The following TMC1 variants were observed in gnomAD, a reference collection of about 807,000 sequenced individuals.
TMC1 encodes transmembrane channel-like protein 1.
In TMC1, 84 loss-of-function variants were observed where a neutral mutation model predicts 105.8. That is an observed-to-expected ratio of 0.79 (90% CI 0.67 to 0.95). The LOEUF is 0.95. TMC1 is among the 40% of genes least tolerant of loss of function. TMC1 has a pLI of 0.00. For synonymous variants in TMC1, 315 were observed against 311.5 expected (o/e 1.01, Z -0.12); for missense variants, 817 against 914.1 (o/e 0.89, Z 1.37).
At chr9:72,835,922 T>G (rs780284755) in intron 23 of TMC1, 29 bp from the exon 24 acceptor site, 16 of 1,530,082 alleles carry the variant, frequency 1.0e-5, no homozygotes, top group South Asian at 3.7e-5. Flanking sequence ...CTTGTTTTTT[T>G]TTTTTTTTTT....
At chr9:72,697,429 A>G (rs1826569148) in intron 7 of TMC1, among the ~76,000 whole-genome samples, 1 of 152,182 alleles carries the variant, frequency 6.6e-6, no homozygotes, top group Admixed American at 6.5e-5. Flanking sequence ...GTCCCAGAGA[A>G]ATACAAACAA....
At chr9:72,827,805 C>A (rs1285904238) in intron 21 of TMC1, among the ~76,000 whole-genome samples, 1 of 152,090 alleles carries the variant, frequency 6.6e-6, no homozygotes, top group Non-Finnish European at 1.5e-5. Flanking sequence ...ATTAAACAGC[C>A]CCAGGGACAC....
intron 13 of TMC1, among the ~76,000 whole-genome samples, chr9:72,774,245 C>T (rs552703400): frequency 1.3e-5 from 2 of 152,166 alleles, no homozygotes; most frequent in South Asian, 2.1e-4. Flanking sequence ...AGCATTGTGC[C>T]AGGCAAGCCA....
chr9:72,631,491 G>C (rs1825449731), intron 4 of TMC1, among the ~76,000 whole-genome samples: 1 of 152,190 alleles, frequency 6.6e-6, no homozygotes, highest in African/African-American at 2.4e-5. Flanking sequence ...TCTAGAAAGA[G>C]AGAAATTATA....
At chr9:72,655,257 G>T (rs1309334727) in intron 5 of TMC1, among the ~76,000 whole-genome samples, 1 of 152,174 alleles carries the variant, frequency 6.6e-6, no homozygotes, top group Non-Finnish European at 1.5e-5. Context: ...CAGCCTTGCT[G>T]AACTGTTAGT....
chr9:72,718,897 AG>A (rs919211713), intron 8 of TMC1, among the ~76,000 whole-genome samples: 1 of 152,086 alleles, frequency 6.6e-6, no homozygotes, highest in Admixed American at 6.6e-5. Context: ...CTGTGGGGAT[AG>A]GGGTGTGGTT....
rs763924669 is a variant in TMC1 at position 72,789,337 on chromosome 9, T to C, written c.1224+20T>C. ...AATGAAGTTCGTCTCTGCATGCTTTTTATGTGCTTAGAACCTGACATTTGT... is the reference window on the plus strand; with the variant it reads ...AATGAAGTTCGTCTCTGCATGCTTTCTATGTGCTTAGAACCTGACATTTGT... On this transcript the variant is annotated intron_variant, in intron 15 of 23. Coordinates refer to ENST00000297784, the MANE Select transcript of TMC1 (RefSeq NM_138691.3). The C allele has an allele frequency of 9.3e-6, 15 of 1,609,542 alleles. No individual in the cohort carries two copies. In the South Asian group the frequency reaches 1.6e-4, roughly 18 times the overall value.
chr9:72,548,707 G>A (rs141182290), intron 1 of TMC1, among the ~76,000 whole-genome samples: 16 of 151,832 alleles, frequency 1.1e-4, no homozygotes, highest in Non-Finnish European at 2.1e-4. Flanking sequence ...CAGACTTGTC[G>A]TGCTGCAGTG....
intron 2 of TMC1, among the ~76,000 whole-genome samples, chr9:72,586,276 C>G (rs987374859): frequency 2.0e-5 from 3 of 152,098 alleles, no homozygotes; most frequent in African/African-American, 7.2e-5. Flanking sequence ...TGAAGTTTGC[C>G]CGACACAAAT....
chr9:72,832,583 G>A (rs1776740342), intron 23 of TMC1, among the ~76,000 whole-genome samples: 1 of 152,160 alleles, frequency 6.6e-6, no homozygotes, highest in Non-Finnish European at 1.5e-5. Context: ...ATGCACTGGG[G>A]AGGTCACACC....
intron 17 of TMC1, among the ~76,000 whole-genome samples, chr9:72,792,692 T>G (rs1212011288): frequency 6.6e-6 from 1 of 152,186 alleles, no homozygotes; most frequent in Non-Finnish European, 1.5e-5. Context: ...CTCTATTTAG[T>G]GTTACTTGTT....
At chr9:72,810,154 A>C (rs1412708109) in intron 18 of TMC1, among the ~76,000 whole-genome samples, 3 of 151,404 alleles carry the variant, frequency 2.0e-5, no homozygotes, top group Non-Finnish European at 2.9e-5. Context: ...AAAAAAAAAA[A>C]AACTAAAATG....
At chr9:72,673,859 C>A (rs934394435) in intron 5 of TMC1, among the ~76,000 whole-genome samples, 1 of 152,110 alleles carries the variant, frequency 6.6e-6, no homozygotes, top group Non-Finnish European at 1.5e-5. Flanking sequence ...GAAAGTAATT[C>A]TAATTCTGCG....
intron 17 of TMC1, among the ~76,000 whole-genome samples, chr9:72,798,023 A>G (rs1052955726): frequency 1.3e-5 from 2 of 152,180 alleles, no homozygotes; most frequent in African/African-American, 4.8e-5. Flanking sequence ...AATTTACAAG[A>G]AAAAAACTGG....
rs566681823 is a variant in TMC1, at chr9:72,830,798, G to A, written c.2260+116G>A. ...GGTGAGTGGCATTATTGCTGTGAGC[G>A]AGTCATTCCACAATCCTTACCTTCC... is the stretch of plus-strand genomic sequence containing the variant. On this transcript the variant is annotated intron_variant, in intron 23 of 23. Coordinates refer to ENST00000297784, the MANE Select transcript of TMC1 (RefSeq NM_138691.3). The A allele has an allele frequency of 3.3e-5, 29 of 883,296 alleles. No homozygotes were observed. In the East Asian group the frequency reaches 5.5e-4, roughly 17 times the overall value. The allele number at this position is 883,296 out of a possible 1,614,324, so 54.7% of individuals were successfully genotyped here.
At chr9:72,824,038 A>G (rs1828913128) in intron 20 of TMC1, among the ~76,000 whole-genome samples, 1 of 152,222 alleles carries the variant, frequency 6.6e-6, no homozygotes, top group Non-Finnish European at 1.5e-5. Flanking sequence ...ACAGAGGGGC[A>G]CCCTGTCTAC....
chr9:72,670,915 T>C lies in TMC1; in HGVS notation c.17-17794T>C, dbSNP rs116104803. ...ATGTATGAAATGGTGTAGTATCACT[T>C]GAAGAGAGACTGTGACTAAAGACCA... On this transcript the variant is annotated intron_variant, in intron 5 of 23. Coordinates refer to ENST00000297784, the MANE Select transcript of TMC1 (RefSeq NM_138691.3). 4.8e-3 allele frequency among the ~76,000 whole-genome samples: 727 copies of C among 152,326 alleles called. 8 individuals carry two copies. The highest frequency in any genetic ancestry group is 0.016 in the African/African-American group (671 of 41,568).
At chr9:72,623,638 C>T (rs891161339) in intron 3 of TMC1, among the ~76,000 whole-genome samples, 42 of 152,198 alleles carry the variant, frequency 2.8e-4, no homozygotes, top group African/African-American at 1.0e-3. Context: ...TTTAGTTCCT[C>T]GACCCATGCA....
intron 12 of TMC1, among the ~76,000 whole-genome samples, chr9:72,771,914 G>A (rs1827933328): frequency 6.6e-6 from 1 of 152,160 alleles, no homozygotes; most frequent in South Asian, 2.1e-4. Context: ...GAGTTCCAAT[G>A]TCATCCCACC....
Sources: gnomAD v4.1 joint callset for allele counts (sites outside exome capture counted in the v4.1 genomes callset) on GRCh38, gnomAD v4.1.1 for gene constraint, MANE v1.5 for transcripts, NCBI Gene and HGNC (gene_info 2026-07-23, HGNC 2026-07-21) for gene names.